The following PRSS23 variants were observed in gnomAD, a reference collection of about 807,000 sequenced individuals.
PRSS23 encodes serine protease 23.
A neutral mutation model predicts 34.7 loss-of-function variants in PRSS23; 25 were observed. The observed-to-expected ratio is 0.72, with a 90% CI of 0.53 to 1.01. The LOEUF is 1.01. Among genes scored for constraint, PRSS23 ranks in the 50% least tolerant of loss-of-function variants. The pLI is 0.00. For synonymous variants in PRSS23, 176 were observed against 186.6 expected (o/e 0.94, Z 0.46); for missense variants, 445 against 475.6 (o/e 0.94, Z 0.60).
chr11:86,895,563 T>A (rs1348934628), intron 2 of PRSS23, among the ~76,000 whole-genome samples: 1 of 139,972 alleles, frequency 7.1e-6, no homozygotes. Context: ...CACTGCAGCC[T>A]TGACCTCTTG....
At chr11:86,923,341 G>A (rs1949059192) in intron 2 of PRSS23, among the ~76,000 whole-genome samples, 1 of 151,856 alleles carries the variant, frequency 6.6e-6, no homozygotes, top group African/African-American at 2.4e-5. Flanking sequence ...TGCCTAGGGT[G>A]GTCTCGAACT....
intron 1 of PRSS23, among the ~76,000 whole-genome samples, chr11:86,794,100 G>C (rs1270010367): frequency 2.6e-5 from 4 of 151,912 alleles, no homozygotes; most frequent in Non-Finnish European, 4.4e-5. Context: ...CCACATGAAA[G>C]CTTACTCCTT....
chr11:86,930,635 C>T (rs1319028513), intron 2 of PRSS23, among the ~76,000 whole-genome samples: 2 of 152,004 alleles, frequency 1.3e-5, no homozygotes, highest in African/African-American at 4.8e-5. Flanking sequence ...ACTAAAAATA[C>T]AAAAATTAGC....
At chr11:86,951,434 G>A (rs779827851) in exon 3 of PRSS23, 1 of 1,613,196 alleles carries the variant, frequency 6.2e-7, no homozygotes, top group Admixed American at 1.7e-5. Flanking sequence ...GTACAGTACT[G>A]AGAACACCCC....
chr11:86,808,451 A>G lies in PRSS23; in HGVS notation c.808A>G (p.Lys270Glu). The part of the protein sequence containing the change: ...FMKIGVSPPA[K>E]QLPGGRIHFS... ...GAAGATTGGGGTGAGCCCTCCTGCTAAGCAGCTGCCAGGGGGCAGAATTCA... is the reference window on the plus strand; with the variant it reads ...GAAGATTGGGGTGAGCCCTCCTGCTGAGCAGCTGCCAGGGGGCAGAATTCA... The change falls in exon 2 of 2, where the codon AAG (lysine) becomes GAG (glutamate). Residue 270 changes from lysine to glutamate, a missense_variant. By Grantham distance (56) the Lys-to-Glu change is moderately conservative (BLOSUM62 1). Coordinates refer to ENST00000280258, the MANE Select transcript of PRSS23 (RefSeq NM_007173.6). 2 of 1,614,230 alleles carry G rather than the reference A, an allele frequency of 1.2e-6. No individual in the cohort carries two copies. Among genetic ancestry groups the G allele is most frequent in the Non-Finnish European group, 1.7e-6 (2 of 1,180,024 alleles).
At chr11:86,930,465 GAATA>G (rs1949116566) in intron 2 of PRSS23, among the ~76,000 whole-genome samples, 2 of 152,136 alleles carry the variant, frequency 1.3e-5, no homozygotes, top group South Asian at 4.1e-4. Context: ...GAGACTGGAA[GAATA>G]AATAAGCAAA....
intron 1 of PRSS23, among the ~76,000 whole-genome samples, chr11:86,801,855 C>T (rs1467093399): frequency 3.3e-5 from 5 of 152,180 alleles, no homozygotes; most frequent in African/African-American, 9.7e-5. Flanking sequence ...CATCTGCGTA[C>T]GAAAAGGTTG....
At chr11:86,948,561 C>T (rs60226660) in intron 2 of PRSS23, 1 of 152,070 alleles carries the variant, frequency 6.6e-6, no homozygotes, top group Non-Finnish European at 1.5e-5. Flanking sequence ...GCTACTAATC[C>T]AAATGGCCAC....
intron 2 of PRSS23, among the ~76,000 whole-genome samples, chr11:86,838,727 C>G (rs1948425564): frequency 6.6e-6 from 1 of 152,160 alleles, no homozygotes; most frequent in Non-Finnish European, 1.5e-5. Flanking sequence ...AGAAGGGGAG[C>G]AAAGACACCT....
At chr11:86,799,522 A>T (rs182787500), upstream of PRSS23, among the ~76,000 whole-genome samples, 1 of 152,248 alleles carries the variant, frequency 6.6e-6, no homozygotes, top group East Asian at 1.9e-4. Context: ...TTCCTTATAA[A>T]AATTAGTGTA....
chr11:86,830,142 A>T (rs1053653421), intron 2 of PRSS23, among the ~76,000 whole-genome samples: 1 of 152,164 alleles, frequency 6.6e-6, no homozygotes, highest in Non-Finnish European at 1.5e-5. Flanking sequence ...GGTGGGCTCC[A>T]CCCAGCTCGA....
intron 2 of PRSS23, among the ~76,000 whole-genome samples, chr11:86,845,090 GAAAA>G (rs199809989): frequency 8.4e-6 from 1 of 118,880 alleles, no homozygotes; most frequent in Non-Finnish European, 1.8e-5. Context: ...CTCTGTCTCA[GAAAA>G]AAAAAAAAAA....
chr11:86,882,502 T>C (rs1948778136), intron 2 of PRSS23, among the ~76,000 whole-genome samples: 1 of 152,162 alleles, frequency 6.6e-6, no homozygotes, highest in African/African-American at 2.4e-5. Context: ...GATAATGGCC[T>C]CCAGCTCCAT....
At chr11:86,860,861 AT>A (rs1001036835) in intron 2 of PRSS23, among the ~76,000 whole-genome samples, 6 of 151,816 alleles carry the variant, frequency 4.0e-5, no homozygotes, top group Non-Finnish European at 8.8e-5. Flanking sequence ...GGGAGAGAGA[AT>A]GATATTACTC....
chr11:86,895,766 C>CACCGTGCCTGGCCTGTATTCACCTTTTTT (rs1948870915), intron 2 of PRSS23, among the ~76,000 whole-genome samples: 1 of 152,154 alleles, frequency 6.6e-6, no homozygotes, highest in Non-Finnish European at 1.5e-5. Context: ...AGGTGTGAAC[C>CACCGTGCCTGGCCTGTATTCACCTTTTTT]ACCGTGCCTG....
intron 2 of PRSS23, among the ~76,000 whole-genome samples, chr11:86,942,072 C>G (rs1318359744): frequency 1.3e-5 from 2 of 152,142 alleles, no homozygotes; most frequent in Non-Finnish European, 2.9e-5. Flanking sequence ...GCTCAGGGAG[C>G]TCAGTTTAGT....
At chr11:86,876,705 T>G (rs954114383) in intron 2 of PRSS23, among the ~76,000 whole-genome samples, 1 of 140,496 alleles carries the variant, frequency 7.1e-6, no homozygotes, top group East Asian at 2.2e-4. Context: ...GGAAAGACAG[T>G]GATCTATATA....
chr11:86,795,960 T>C (rs979312798), upstream of PRSS23, among the ~76,000 whole-genome samples: 1 of 152,178 alleles, frequency 6.6e-6, no homozygotes, highest in Admixed American at 6.5e-5. Context: ...GAGTTGAGGT[T>C]GAGTTTAGAG....
chr11:86,807,583 G>T, intron 1 of PRSS23, 48 bp from the exon 2 acceptor site: 1 of 1,474,786 alleles, frequency 6.8e-7, no homozygotes, highest in South Asian at 1.3e-5. Flanking sequence ...TGCAGTAAAT[G>T]AACGTTCAGC....
Sources: gnomAD v4.1 joint callset for allele counts (sites outside exome capture counted in the v4.1 genomes callset) on GRCh38, gnomAD v4.1.1 for gene constraint, MANE v1.5 for transcripts, NCBI Gene and HGNC (gene_info 2026-07-23, HGNC 2026-07-21) for gene names.